The following ZNF462 variants were observed in gnomAD, a reference collection of about 807,000 sequenced individuals.
The protein encoded by ZNF462 is zinc finger protein 462, also known as zinc finger PBX1-interacting protein.
ZNF462 carries 10 observed loss-of-function variants against 201.9 expected under a neutral mutation model. That is an observed-to-expected ratio of 0.05 (90% confidence interval 0.03 to 0.08). The LOEUF (loss-of-function observed/expected upper bound fraction) is 0.08. ZNF462 is among the 10% of genes least tolerant of loss of function. The pLI is 1.00. For missense variants in ZNF462, 2,523 were observed against 3,168.3 expected (o/e 0.80, Z 4.89); for synonymous variants, 1,227 against 1,193.3 (o/e 1.03, Z -0.58).
chr9:106,928,839 C>T lies in ZNF462; in HGVS notation c.4927C>T (p.Pro1643Ser), dbSNP rs757523964. The change falls in exon 3 of 13, where the codon CCC (proline) becomes TCC (serine). Residue 1643 changes from proline to serine, a missense_variant. Around this residue, in one of 15 missense-constraint regions of ZNF462, gnomAD observed 200 missense variants for 281.3 expected, o/e 0.71. Coordinates refer to ENST00000277225, the MANE Select transcript of ZNF462 (RefSeq NM_021224.6). The surrounding 1 kb of genome is among the most constrained non-coding windows in gnomAD (Gnocchi z 9.3). ...SITEEEVGEE[P>S]VSTSHFSTSH... Reference sequence around the variant, plus strand: ...CACTGAGGAGGAGGTGGGAGAGGAGCCCGTGTCCACTTCTCACTTCTCTAC... The same window carrying T: ...CACTGAGGAGGAGGTGGGAGAGGAGTCCGTGTCCACTTCTCACTTCTCTAC... The T allele has an allele frequency of 1.2e-6, 2 of 1,614,066 alleles. No homozygotes were observed. The highest frequency in any genetic ancestry group is 1.3e-5 in the African/African-American group (1 of 75,026).
intron 6 of ZNF462, among the ~76,000 whole-genome samples, chr9:106,936,288 A>G (rs1184192961): frequency 3.3e-5 from 5 of 151,808 alleles, no homozygotes; most frequent in African/African-American, 1.2e-4. Flanking sequence ...GGCGTGTTAT[A>G]TGCATCATCT....
Position 106,972,313 on chromosome 9 carries a change from G to GCCCCTGCTCCA in ZNF462, c.6695+47_6695+57dup. The GCCCCTGCTCCA allele has an allele frequency of 6.3e-7, 1 of 1,587,108 alleles. No individual in the cohort carries two copies. Among genetic ancestry groups the GCCCCTGCTCCA allele is most frequent in the Admixed American group, 1.7e-5 (1 of 58,156 alleles). On this transcript the variant is annotated intron_variant, in intron 8 of 12. Coordinates refer to ENST00000277225, the MANE Select transcript of ZNF462 (RefSeq NM_021224.6). This position sits in a 1 kb window ranked among gnomAD's most constrained non-coding sequence, Gnocchi z 4.8. ...AACAGCTATGGAAAACAAGGCGGCC[G>GCCCCTGCTCCA]CCCCTGCTCCACCCCTCACTGCAGG...
At position 106,865,206 on chromosome 9, in the gene ZNF462, A is replaced by T. The variant is rs1026249004; in HGVS notation, c.-31+1851A>T. 2.6e-5 allele frequency among the ~76,000 whole-genome samples: 4 copies of T among 151,884 alleles called. No individual in the cohort carries two copies. The highest frequency in any genetic ancestry group is 1.3e-4 in the Admixed American group (2 of 15,244). On this transcript the variant is annotated intron_variant, in intron 1 of 12. Coordinates refer to ENST00000277225, the MANE Select transcript of ZNF462 (RefSeq NM_021224.6). The surrounding 1 kb of genome is among the most constrained non-coding windows in gnomAD (Gnocchi z 4.1). ...TTCCATTTTAAAGTAAACTTTTGGA[A>T]TTTTTTTTCTCCTTTTGAGTGGACC... is the stretch of plus-strand genomic sequence containing the variant.
rs7851411 is a variant in ZNF462 at position 107,008,527 on chromosome 9, C to T, written c.7190-1018C>T. Among the ~76,000 whole-genome samples, 9,444 of 152,198 alleles carry T rather than the reference C, an allele frequency of 0.062. 808 individuals are homozygous for T. Among genetic ancestry groups the T allele is most frequent in the African/African-American group, 0.2 (8,182 of 41,482 alleles). On this transcript the variant is annotated intron_variant, in intron 11 of 12. Coordinates refer to ENST00000277225, the MANE Select transcript of ZNF462 (RefSeq NM_021224.6). The surrounding 1 kb of genome is among the most constrained non-coding windows in gnomAD (Gnocchi z 4.8). ...GAGTGTAAAGATGATCAACACTTCC[C>T]TGTGCGATGCCCTCACTTTGCAACA... is the stretch of plus-strand genomic sequence containing the variant.
At chr9:106,947,209 A>G (rs569729795) in intron 7 of ZNF462, among the ~76,000 whole-genome samples, 105 of 152,310 alleles carry the variant, frequency 6.9e-4, no homozygotes, top group Non-Finnish European at 1.3e-3. Context: ...ACCCAAAGGA[A>G]GTGTTTGGCT....
In ZNF462 at chr9:106,946,510, T is replaced by C. The variant is rs567861496; in HGVS notation, c.6427+7403T>C. 2.0e-5 allele frequency among the ~76,000 whole-genome samples: 3 copies of C among 152,146 alleles called. 1 individual carries two copies. In the South Asian group the frequency reaches 6.2e-4, roughly 32 times the overall value. On this transcript the variant is annotated intron_variant, in intron 7 of 12. Coordinates refer to ENST00000277225, the MANE Select transcript of ZNF462 (RefSeq NM_021224.6). ...ATGACTCATAGGTCTCTCCAGTCTT[T>C]CTGTTCTGTGTGAGAGGATTTTACA...
At chr9:106,860,806 G>A (rs935719270), upstream of ZNF462, among the ~76,000 whole-genome samples, 1 of 152,172 alleles carries the variant, frequency 6.6e-6, no homozygotes, top group African/African-American at 2.4e-5. This position sits in a 1 kb window ranked among gnomAD's most constrained non-coding sequence, Gnocchi z 7.1. Flanking sequence ...CCCGGGTCCC[G>A]GTGGGGAGGA....
intron 1 of ZNF462, among the ~76,000 whole-genome samples, chr9:106,893,709 C>T: frequency 6.6e-6 from 1 of 152,176 alleles, no homozygotes; most frequent in East Asian, 1.9e-4. Flanking sequence ...AGATTCCCTG[C>T]TATTTCTGTT....
chr9:106,904,378 A>T (rs1244564747), intron 1 of ZNF462, among the ~76,000 whole-genome samples: 2 of 152,108 alleles, frequency 1.3e-5, no homozygotes, highest in African/African-American at 4.8e-5. Context: ...CCTTTGTCTT[A>T]ACTTTGGATA....
Position 106,923,243 on chromosome 9 carries a change from G to T in ZNF462, c.-30-111G>T. On this transcript the variant is annotated intron_variant, in intron 1 of 12. Coordinates refer to ENST00000277225, the MANE Select transcript of ZNF462 (RefSeq NM_021224.6). The surrounding 1 kb of genome is among the most constrained non-coding windows in gnomAD (Gnocchi z 5.6). Reference sequence around the variant, plus strand: ...TTCCAACTGGCAAAGTCCAATAAGAGAAATCTACTGATACTGGAATTTTTT... The same window carrying T: ...TTCCAACTGGCAAAGTCCAATAAGATAAATCTACTGATACTGGAATTTTTT... 1 of 754,444 alleles carries T rather than the reference G, an allele frequency of 1.3e-6. No homozygotes were observed. The highest frequency in any genetic ancestry group is 2.7e-5 in the East Asian group (1 of 37,610). The allele number at this position is 754,444 out of a possible 1,614,324, so 46.7% of individuals were successfully genotyped here.
chr9:106,898,620 AC>A (rs1342661631), intron 1 of ZNF462, among the ~76,000 whole-genome samples: 1 of 151,700 alleles, frequency 6.6e-6, no homozygotes, highest in Non-Finnish European at 1.5e-5. Context: ...AGTTTGAGAA[AC>A]CCTCCTGTAA....
rs1425543752 is a variant in ZNF462, at chr9:107,010,971, A to C, written c.7462A>C (p.Ile2488Leu). The C allele has an allele frequency of 6.2e-7, 1 of 1,613,838 alleles. No individual in the cohort carries two copies. The highest frequency in any genetic ancestry group is 1.1e-5 in the South Asian group (1 of 91,076). The change falls in exon 13 of 13, where the codon ATC becomes CTC. Residue 2488 changes from isoleucine (I) to leucine (L), a missense_variant. Coordinates refer to ENST00000277225, the MANE Select transcript of ZNF462 (RefSeq NM_021224.6). The surrounding 1 kb of genome is among the most constrained non-coding windows in gnomAD (Gnocchi z 4.6). ...DFSLKNETVA[I>L]CVVTADKSLL... ...TTCCCTAAAGAATGAAACAGTAGCC[A>C]TCTGTGTAGTAACTGCCGACAAATC...
At chr9:106,931,277 C>G (rs1042939848) in intron 4 of ZNF462, among the ~76,000 whole-genome samples, 7 of 152,192 alleles carry the variant, frequency 4.6e-5, no homozygotes, top group African/African-American at 1.7e-4. Flanking sequence ...CCTTTTCCCT[C>G]TGACTTTTAT....
At chr9:106,908,532 A>T (rs1588036025) in intron 1 of ZNF462, among the ~76,000 whole-genome samples, 1 of 151,816 alleles carries the variant, frequency 6.6e-6, no homozygotes, top group South Asian at 2.1e-4. Context: ...TTTTTGTATC[A>T]TTTTACTATA....
At chr9:106,871,566 C>G (rs147497915) in intron 1 of ZNF462, among the ~76,000 whole-genome samples, 1 of 152,264 alleles carries the variant, frequency 6.6e-6, no homozygotes, top group African/African-American at 2.4e-5. Flanking sequence ...AGAAAAAGAC[C>G]TTGTAATTTG....
intron 1 of ZNF462, among the ~76,000 whole-genome samples, chr9:106,868,882 T>C (rs967961301): frequency 1.3e-5 from 2 of 152,186 alleles, no homozygotes; most frequent in Admixed American, 1.3e-4. Context: ...GGAGTATGGA[T>C]TTTTCTTAGT....
rs181976701 is a variant in ZNF462, at chr9:106,868,017, T to C, written c.-31+4662T>C. 1.2e-3 allele frequency among the ~76,000 whole-genome samples: 188 copies of C among 152,058 alleles called. 1 individual carries two copies. The highest frequency in any genetic ancestry group is 0.01 in the Admixed American group (160 of 15,258). Reference sequence around the variant, plus strand: ...ATGTATGACTGGGATGATTGGTATATTCAGCAGAAGTGGAGGGAGACTATT... The same window carrying C: ...ATGTATGACTGGGATGATTGGTATACTCAGCAGAAGTGGAGGGAGACTATT... On this transcript the variant is annotated intron_variant, in intron 1 of 12. Coordinates refer to ENST00000277225, the MANE Select transcript of ZNF462 (RefSeq NM_021224.6).
Position 106,924,928 on chromosome 9 carries a change from C to T in ZNF462, c.1016C>T (p.Ser339Leu), listed in dbSNP as rs772326829. 20 of 1,614,058 alleles carry T rather than the reference C, an allele frequency of 1.2e-5. No individual in the cohort carries two copies. The highest frequency in any genetic ancestry group is 5.3e-5 in the African/African-American group (4 of 74,916). ...MRPNSSASKF[S>L]PMSYPQMKPK... ...CCCAATTCTTCAGCTTCCAAGTTTT[C>T]GCCCATGTCTTACCCTCAGATGAAG... is the stretch of plus-strand genomic sequence containing the variant. Residue 339 changes from serine (S) to leucine (L), a missense_variant, in exon 3 of 13, where the codon TCG (serine) becomes TTG (leucine). Physicochemically the swap from Ser to Leu is moderately radical, Grantham distance 145. Transcript: ENST00000277225. The surrounding 1 kb of genome is among the most constrained non-coding windows in gnomAD (Gnocchi z 6.2).
At chr9:106,940,180 G>A (rs1489600339) in intron 7 of ZNF462, among the ~76,000 whole-genome samples, 1 of 152,120 alleles carries the variant, frequency 6.6e-6, no homozygotes, top group East Asian at 1.9e-4. Context: ...AGTGATATCT[G>A]CCTCAACTGA....
Sources: gnomAD v4.1 joint callset for allele counts (sites outside exome capture counted in the v4.1 genomes callset) on GRCh38, gnomAD v4.1.1 for gene constraint, gnomAD v4.1.1 regional missense constraint, Gnocchi (gnomAD v3.1) non-coding constraint, MANE v1.5 for transcripts, NCBI Gene and HGNC (gene_info 2026-07-23, HGNC 2026-07-21) for gene names.